Variants in TTC31 observed in about 807,000 individuals in gnomAD.
TTC31 encodes tetratricopeptide repeat protein 31.
A neutral mutation model predicts 60.4 loss-of-function variants in TTC31; 59 were observed. The ratio of observed to expected loss-of-function variants is 0.98; its 90% CI spans 0.79 to 1.21. The LOEUF is 1.21. Ranked by LOEUF, TTC31 falls within the 50% of genes most tolerant of loss-of-function variation. TTC31 has a pLI of 0.00. For synonymous variants in TTC31, 225 were observed against 249.6 expected, an observed-to-expected ratio of 0.90 and a Z score of 0.93; for missense variants, 672 against 646.9, an observed-to-expected ratio of 1.04 and a Z score of -0.42.
In TTC31 at chr2:74,492,965, G is replaced by C. The variant is rs749719637; in HGVS notation, c.1307G>C (p.Gly436Ala). 6.2e-7 allele frequency: 1 copy of C among 1,613,358 alleles called. No individual in the cohort carries two copies. The stretch of plus-strand genomic sequence containing the variant: ...ATCTGTGCACCACCTCTGTCACCTG[G>C]GGCCCTCCAGCCACTTCCCCATGCT... ...GGICAPPLSP[G>A]ALQPLPHAEL... The change falls in exon 13 of 13, where the codon GGG becomes GCG. Residue 436 changes from glycine (G) to alanine (A), a missense_variant. Gly to Ala is a moderately conservative substitution (Grantham distance 60). Coordinates refer to ENST00000233623, the MANE Select transcript of TTC31 (RefSeq NM_022492.6).
intron 2 of TTC31, 88 bp downstream of exon 2, chr2:74,483,498 G>T (rs577023398): frequency 2.5e-6 from 4 of 1,596,224 alleles, no homozygotes; most frequent in Admixed American, 3.5e-5. Flanking sequence ...CGACGGATGG[G>T]CGCCAGACGG....
At chr2:74,490,219 C>T (rs750247707) in intron 3 of TTC31, 25 bp from the exon 4 acceptor site, 3 of 1,612,176 alleles carry the variant, frequency 1.9e-6, no homozygotes, top group South Asian at 2.2e-5. Context: ...TCCTTTCTTT[C>T]CTGTCTCTTT....
chr2:74,492,449 A>G lies in TTC31; in HGVS notation c.1161+4A>G, dbSNP rs766826034. ...CAAGGCCTTGATGGGACTACAGGTA[A>G]TAGGTCTGGGGCTGGAAACAGGAGA... On this transcript the variant is annotated splice_donor_region_variant and intron_variant, in intron 11 of 12. Coordinates refer to ENST00000233623, the MANE Select transcript of TTC31 (RefSeq NM_022492.6). 4 of 1,522,500 alleles carry G rather than the reference A, an allele frequency of 2.6e-6. No homozygotes were observed. The highest frequency in any genetic ancestry group is 1.4e-5 in the African/African-American group (1 of 71,828). The allele number at this position is 1,522,500 out of a possible 1,614,324, so 94.3% of individuals were successfully genotyped here.
intron 2 of TTC31, among the ~76,000 whole-genome samples, chr2:74,488,484 C>G (rs184534273): frequency 5.3e-5 from 8 of 152,182 alleles, no homozygotes; most frequent in Admixed American, 4.6e-4. Context: ...GTCTTTGAAG[C>G]TTATACTCCC....
At chr2:74,491,836 G>A (rs1216455899) in intron 8 of TTC31, 164 bp downstream of exon 8, 7 of 1,390,012 alleles carry the variant, frequency 5.0e-6, no homozygotes, top group Non-Finnish European at 6.9e-6. Flanking sequence ...CCATGACCCC[G>A]GGTGGTTTCC....
chr2:74,485,624 C>T (rs913410624), intron 2 of TTC31, among the ~76,000 whole-genome samples: 3 of 151,786 alleles, frequency 2.0e-5, no homozygotes. Flanking sequence ...GCGCCTGCCA[C>T]CACGCCTGGC....
chr2:74,483,932 A>C (rs1672760257), intron 2 of TTC31, among the ~76,000 whole-genome samples: 1 of 144,258 alleles, frequency 6.9e-6, no homozygotes, highest in Admixed American at 7.1e-5. Context: ...GAACGGTGAG[A>C]CTCTGTCTAA....
chr2:74,484,995 TCAAA>T (rs1300793195), intron 2 of TTC31, among the ~76,000 whole-genome samples: 1 of 151,334 alleles, frequency 6.6e-6, no homozygotes, highest in Non-Finnish European at 1.5e-5. Context: ...TTCTTTTACC[TCAAA>T]CATTTAGTTA....
chr2:74,488,106 C>T (rs755523250), intron 2 of TTC31, among the ~76,000 whole-genome samples: 1 of 152,164 alleles, frequency 6.6e-6, no homozygotes, highest in Non-Finnish European at 1.5e-5. Context: ...TCCCGAGTAG[C>T]TGGGACTATA....
At chr2:74,489,640 G>A (rs1673574765) in intron 2 of TTC31, among the ~76,000 whole-genome samples, 1 of 152,142 alleles carries the variant, frequency 6.6e-6, no homozygotes, top group African/African-American at 2.4e-5. Flanking sequence ...CTAGCCTCAG[G>A]GTGGGTTATG....
Position 74,492,400 on chromosome 2 carries a change from G to T in TTC31, c.1116G>T (p.Trp372Cys). 6.6e-7 allele frequency: 1 copy of T among 1,525,654 alleles called. No homozygotes were observed. Among genetic ancestry groups the T allele is most frequent in the Non-Finnish European group, 8.8e-7 (1 of 1,137,752 alleles). 94.5% of individuals were successfully genotyped at this position (1,525,654 alleles called of 1,614,324 possible). The change falls in exon 11 of 13, where the codon TGG becomes TGT. Residue 372 changes from tryptophan (W) to cysteine (C), a missense_variant. Physicochemically the swap from Trp to Cys is radical, Grantham distance 215. Coordinates refer to ENST00000233623, the MANE Select transcript of TTC31 (RefSeq NM_022492.6). ...AQVALTLRPG[W>C]PRGLFRLGKA... is the part of the protein sequence containing the mutation. ...TGGCCCTTACCCTACGGCCTGGCTGGCCCCGGGGCCTCTTCCGCCTGGGCA... is the reference window on the plus strand; with the variant it reads ...TGGCCCTTACCCTACGGCCTGGCTGTCCCCGGGGCCTCTTCCGCCTGGGCA...
In TTC31 at chr2:74,490,009, T is replaced by TCCCCCCC. The variant is rs765158397; in HGVS notation, c.130-12_130-11insCCCCCCC. 1 of 685,406 alleles carries TCCCCCCC rather than the reference T, an allele frequency of 1.5e-6. No homozygotes were observed. 42.5% of individuals were successfully genotyped at this position (685,406 alleles called of 1,614,324 possible). ...CCCCCAACACCAGCCTCCCCTCCCC[T>TCCCCCCC]CCCCTCCCCTCCCAGGACATAGTGG... On this transcript the variant is annotated splice_polypyrimidine_tract_variant and intron_variant, in intron 2 of 12. Transcript: ENST00000233623.
rs1239120586 is a variant in TTC31, at chr2:74,493,995, A to G, written c.*777A>G. The G allele has an allele frequency of 6.6e-6, 1 of 152,096 alleles. No homozygotes were observed. The highest frequency in any genetic ancestry group is 1.5e-5 in the Non-Finnish European group (1 of 68,012). The allele number at this position is 152,096 out of a possible 1,614,324, so 9.4% of individuals were successfully genotyped here. A position where few individuals can be genotyped will look rare whatever the true frequency, so the allele number is the denominator to read the frequency against. On this transcript the variant is annotated 3_prime_UTR_variant, in exon 13 of 13. Transcript: ENST00000233623. Reference sequence around the variant, plus strand: ...TGGGCATGGTAATTAGCCTTTCCCCATGTTAATTTATTCAGTTTTTTCAAG... The same window carrying G: ...TGGGCATGGTAATTAGCCTTTCCCCGTGTTAATTTATTCAGTTTTTTCAAG...
At chr2:74,486,133 G>A (rs1312904256) in intron 2 of TTC31, among the ~76,000 whole-genome samples, 1 of 152,074 alleles carries the variant, frequency 6.6e-6, no homozygotes, top group African/African-American at 2.4e-5. Context: ...GGGCATGGTG[G>A]TGGGCGCCTA....
At chr2:74,485,974 G>A (rs1372719827) in intron 2 of TTC31, among the ~76,000 whole-genome samples, 1 of 151,780 alleles carries the variant, frequency 6.6e-6, no homozygotes, top group South Asian at 2.1e-4. Context: ...ACAAGATAAA[G>A]TCTACACTCA....
At position 74,492,198 on chromosome 2, in the gene TTC31, C is replaced by T. The variant is rs866807173; in HGVS notation, c.988C>T (p.Gln330Ter). 6.2e-7 allele frequency: 1 copy of T among 1,614,248 alleles called. No individual in the cohort carries two copies. The highest frequency in any genetic ancestry group is 8.5e-7 in the Non-Finnish European group (1 of 1,180,040). The change falls in exon 10 of 13, where the codon CAG becomes TAG. Residue 330 changes from glutamine (Q) to a stop codon, truncating the protein, a stop_gained. Transcript: ENST00000233623. LOFTEE classifies it high-confidence loss of function. ...CCATGAGGCCGTGGTCCTCTTCACC[C>T]AGGCCTTGAAGCTCAACCCCCAGGA... ...FYHEAVVLFT[Q>*]ALKLNPQDHR... is the part of the protein sequence containing the mutation.
At chr2:74,487,039 C>A (rs540136401) in intron 2 of TTC31, among the ~76,000 whole-genome samples, 75 of 152,296 alleles carry the variant, frequency 4.9e-4, no homozygotes, top group African/African-American at 1.7e-3. Context: ...AAGATGGGAG[C>A]ACAGTTGGTA....
At chr2:74,483,171 G>A (rs1672629447) in intron 1 of TTC31, 36 bp downstream of exon 1, 2 of 1,614,158 alleles carry the variant, frequency 1.2e-6, no homozygotes, top group Non-Finnish European at 1.7e-6. Context: ...GGGTCTAGGA[G>A]GGCAGAGGCA....
chr2:74,483,565 C>A, intron 2 of TTC31, 155 bp downstream of exon 2: 1 of 1,504,354 alleles, frequency 6.6e-7, no homozygotes. Context: ...GGATCTTAGG[C>A]AAGTGAGGGG....
Sources: allele counts gnomAD v4.1 joint callset (sites outside exome capture counted in the v4.1 genomes callset), GRCh38; gene constraint gnomAD v4.1.1; transcripts MANE v1.5; gene names NCBI Gene and HGNC (gene_info 2026-07-23, HGNC 2026-07-21).